Variants in DHX40 observed in about 807,000 individuals in gnomAD.
DHX40 encodes the protein probable ATP-dependent RNA helicase DHX40.
DHX40 carries 28 observed loss-of-function variants against 89.6 expected under a neutral mutation model. The ratio of observed to expected loss-of-function variants is 0.31; its 90% CI spans 0.23 to 0.43. The LOEUF is 0.43. DHX40 is among the 20% of genes least tolerant of loss of function. The pLI, the probability that DHX40 is intolerant of heterozygous loss-of-function variation, is 1.00. For missense variants in DHX40, 457 were observed against 844.0 expected, an observed-to-expected ratio of 0.54 and a Z score of 5.68; for synonymous variants, 226 against 283.6, an observed-to-expected ratio of 0.80 and a Z score of 2.04.
At chr17:59,570,283 TTA>T (rs1298168905) in intron 2 of DHX40, among the ~76,000 whole-genome samples, 4 of 130,296 alleles carry the variant, frequency 3.1e-5, no homozygotes, top group Non-Finnish European at 6.3e-5. Context: ...TGGATTTATA[TTA>T]TATATATTTA....
intron 12 of DHX40, among the ~76,000 whole-genome samples, chr17:59,588,490 G>A (rs1367902972): frequency 2.0e-5 from 3 of 151,840 alleles, no homozygotes; most frequent in Non-Finnish European, 2.9e-5. Flanking sequence ...GTGCCACCAC[G>A]CCTGGCTAAT....
chr17:59,570,185 TAA>T (rs912485575), intron 2 of DHX40, among the ~76,000 whole-genome samples: 3 of 122,970 alleles, frequency 2.4e-5, no homozygotes, highest in African/African-American at 3.4e-5. Context: ...TTAATATATA[TAA>T]TATATAATAT....
Position 59,565,667 on chromosome 17 carries a change from G to A in DHX40, c.-5G>A, listed in dbSNP as rs748971686. 1.3e-6 allele frequency: 2 copies of A among 1,599,652 alleles called. No homozygotes were observed. Among genetic ancestry groups the A allele is most frequent in the Admixed American group, 3.3e-5 (2 of 59,926 alleles). ...ACGTGCTCGCCTCCACTCGGGGCCA[G>A]GTCTATGTCCCGGTTTCCCGCAGTC... On this transcript the variant is annotated 5_prime_UTR_variant, in exon 1 of 18. Coordinates refer to ENST00000251241, the MANE Select transcript of DHX40 (RefSeq NM_024612.5).
intron 2 of DHX40, among the ~76,000 whole-genome samples, chr17:59,570,081 T>C (rs150579386): frequency 1.5e-5 from 1 of 66,082 alleles, no homozygotes; most frequent in Non-Finnish European, 2.5e-5. Flanking sequence ...AATGTATATT[T>C]ATATATAATA....
At chr17:59,585,461 G>A (rs541142627) in intron 10 of DHX40, among the ~76,000 whole-genome samples, 12 of 150,922 alleles carry the variant, frequency 8.0e-5, no homozygotes, top group African/African-American at 2.5e-4. Context: ...GGTGGCTCAC[G>A]CCTGTAATCC....
At chr17:59,569,198 C>T (rs921089796) in intron 2 of DHX40, among the ~76,000 whole-genome samples, 12 of 151,958 alleles carry the variant, frequency 7.9e-5, no homozygotes, top group African/African-American at 1.5e-4. Context: ...TGTGGTGGCG[C>T]GCACCTGTAA....
Position 59,593,912 on chromosome 17 carries a change from G to A in DHX40, c.1583-4825G>A, listed in dbSNP as rs1244311215. ...GTTTCTTGTCCTTGTCAACTCCAGC[G>A]GTCAGTCAGTGATTGGTCGGAGGTT... On this transcript the variant is annotated intron_variant, in intron 12 of 17. Coordinates refer to ENST00000251241, the MANE Select transcript of DHX40 (RefSeq NM_024612.5). Among the ~76,000 whole-genome samples the A allele has an allele frequency of 1.5e-4, 23 of 149,410 alleles. No individual in the cohort carries two copies. In the South Asian group the frequency reaches 3.4e-3, roughly 22 times the overall value.
chr17:59,583,482 T>C (rs1286265096), intron 10 of DHX40, among the ~76,000 whole-genome samples: 169 of 105,932 alleles, frequency 1.6e-3, no homozygotes, highest in African/African-American at 4.3e-3. Flanking sequence ...ATATATCTTA[T>C]ATCCTGTGTT....
intron 12 of DHX40, among the ~76,000 whole-genome samples, chr17:59,593,589 C>T (rs2049110029): frequency 1.5e-5 from 1 of 65,678 alleles, no homozygotes; most frequent in Admixed American, 1.8e-4. Context: ...AATTCTCCTT[C>T]CTCAGCCTCA....
intron 2 of DHX40, among the ~76,000 whole-genome samples, chr17:59,567,702 G>A (rs546999451): frequency 3.3e-5 from 5 of 151,940 alleles, no homozygotes; most frequent in Non-Finnish European, 5.9e-5. Flanking sequence ...CGAGGTGGGC[G>A]GATCATGAGG....
intron 12 of DHX40, among the ~76,000 whole-genome samples, chr17:59,597,541 C>G (rs1221155463): frequency 6.6e-6 from 1 of 151,916 alleles, no homozygotes; most frequent in African/African-American, 2.4e-5. Flanking sequence ...TCCCCATACT[C>G]CTGGGGAATA....
At chr17:59,606,957 G>A in intron 17 of DHX40, 76 bp from the exon 18 acceptor site, 2 of 1,334,078 alleles carry the variant, frequency 1.5e-6, no homozygotes, top group South Asian at 1.4e-5. Flanking sequence ...AAAAATCAGG[G>A]CTTCTCTTTC....
chr17:59,606,759 AAAAG>A (rs1368160713), intron 17 of DHX40, among the ~76,000 whole-genome samples: 1 of 151,948 alleles, frequency 6.6e-6, no homozygotes, highest in East Asian at 1.9e-4. Flanking sequence ...AAAAAAAAAA[AAAAG>A]AAAAGAAATC....
Position 59,589,847 on chromosome 17 carries a change from G to C in DHX40, c.1582+1794G>C. On this transcript the variant is annotated intron_variant, in intron 12 of 17. Coordinates refer to ENST00000251241, the MANE Select transcript of DHX40 (RefSeq NM_024612.5). ...GCGATTCTTCTGCCTCAGCCTCCCA[G>C]GTAGCTGGGATTACAGGCATGGGCC... 1.4e-5 allele frequency among the ~76,000 whole-genome samples: 2 copies of C among 146,810 alleles called. 1 individual carries two copies. Among genetic ancestry groups the C allele is most frequent in the Non-Finnish European group, 3.0e-5 (2 of 66,446 alleles).
intron 12 of DHX40, among the ~76,000 whole-genome samples, chr17:59,590,741 A>G (rs2143304671): frequency 6.6e-6 from 1 of 152,032 alleles, no homozygotes; most frequent in Middle Eastern, 3.4e-3. Flanking sequence ...AAATGCTGGT[A>G]TTACAGGCCT....
In DHX40 at chr17:59,602,545, C is replaced by T. The variant is rs763466589; in HGVS notation, c.1830C>T (p.Thr610=). 4 of 1,613,516 alleles carry T rather than the reference C, an allele frequency of 2.5e-6. No homozygotes were observed. Among genetic ancestry groups the T allele is most frequent in the Non-Finnish European group, 3.4e-6 (4 of 1,179,610 alleles). The change falls in exon 15 of 18, where the codon ACC becomes ACT. Residue 610 remains threonine (T), a synonymous_variant. Coordinates refer to ENST00000251241, the MANE Select transcript of DHX40 (RefSeq NM_024612.5). ...AGCAAAGTGATTTCCCAAAAGAGAC[C>T]TTTGAAGGCCCTAAACATGAAGTAC... ...LKQQSDFPKE[T]FEGPKHEVLR...
At chr17:59,567,604 G>A (rs1306106211) in intron 2 of DHX40, among the ~76,000 whole-genome samples, 1 of 152,164 alleles carries the variant, frequency 6.6e-6, no homozygotes, top group African/African-American at 2.4e-5. Flanking sequence ...GGGTTGATGT[G>A]ATTCCAGAGT....
At chr17:59,581,795 A>AC (rs1347497119) in intron 10 of DHX40, among the ~76,000 whole-genome samples, 1 of 120,772 alleles carries the variant, frequency 8.3e-6, no homozygotes, top group African/African-American at 3.9e-5. Context: ...GCAAAAAAAA[A>AC]CCCCAAAACC....
chr17:59,566,855 A>G (rs918899992), intron 2 of DHX40, 61 bp downstream of exon 2: 5 of 1,436,734 alleles, frequency 3.5e-6, no homozygotes, highest in East Asian at 2.5e-5. Flanking sequence ...TTTAAAGGCC[A>G]GTAGGACTTC....
Sources: gnomAD v4.1 joint callset for allele counts (sites outside exome capture counted in the v4.1 genomes callset) on GRCh38, gnomAD v4.1.1 for gene constraint, MANE v1.5 for transcripts, NCBI Gene and HGNC (gene_info 2026-07-23, HGNC 2026-07-21) for gene names.